The following SLC9A3 variants were observed in gnomAD, a reference collection of about 807,000 sequenced individuals.
SLC9A3 encodes the protein solute carrier family 9 member A3, also known as sodium/hydrogen exchanger 3.
A neutral mutation model predicts 86.8 loss-of-function variants in SLC9A3; 37 were observed. The observed-to-expected ratio is 0.43, with a 90% confidence interval of 0.33 to 0.56. SLC9A3 has a LOEUF of 0.56. Ranked by LOEUF, SLC9A3 falls within the 20% of genes least tolerant of loss-of-function variation. The probability of loss-of-function intolerance (pLI) is 0.06; values close to 1 mark genes in which losing one functional copy is unlikely to be tolerated. For synonymous variants in SLC9A3, 581 were observed against 528.3 expected (o/e 1.10, Z -1.37); for missense variants, 1,011 against 1,171.9 (o/e 0.86, Z 2.00).
chr5:490,680 C>T (rs72702703), intron 2 of SLC9A3, among the ~76,000 whole-genome samples: 4 of 152,158 alleles, frequency 2.6e-5, no homozygotes, highest in Admixed American at 6.5e-5. Context: ...CGAGGGGCCG[C>T]GGGTCCAGGA....
At chr5:492,537 G>A (rs1207187799) in intron 1 of SLC9A3, among the ~76,000 whole-genome samples, 1 of 152,076 alleles carries the variant, frequency 6.6e-6, no homozygotes, top group Non-Finnish European at 1.5e-5. Flanking sequence ...ACTTTTCAGG[G>A]AGCCCAAGAG....
At chr5:478,764 T>G (rs556397188) in intron 10 of SLC9A3, 62 of 154,686 alleles carry the variant, frequency 4.0e-4, no homozygotes, top group African/African-American at 1.4e-3. Context: ...GCTCCAGGCC[T>G]CCTAGGGCCA....
intron 2 of SLC9A3, 25 bp from the exon 3 acceptor site, chr5:488,501 G>A: frequency 6.6e-7 from 1 of 1,519,812 alleles, no homozygotes; most frequent in Admixed American, 2.0e-5. Context: ...GGGCCGCGGG[G>A]CAGCTGCAGG....
At chr5:494,087 G>A (rs1048726058) in intron 1 of SLC9A3, among the ~76,000 whole-genome samples, 1 of 152,238 alleles carries the variant, frequency 6.6e-6, no homozygotes, top group Non-Finnish European at 1.5e-5. Context: ...CTTTCAGCAG[G>A]AGAGCATCCG....
At chr5:522,068 C>T (rs546100533) in intron 1 of SLC9A3, among the ~76,000 whole-genome samples, 7 of 151,930 alleles carry the variant, frequency 4.6e-5, no homozygotes, top group South Asian at 2.1e-4. Context: ...AGAGGGTCTG[C>T]GCCTGTGGGA....
chr5:487,861 T>A (rs1739543477), intron 3 of SLC9A3, among the ~76,000 whole-genome samples: 1 of 152,098 alleles, frequency 6.6e-6, no homozygotes, highest in Non-Finnish European at 1.5e-5. Context: ...AGAGACGGGG[T>A]TTCACCATGT....
In SLC9A3 at chr5:476,590, C is replaced by T. The variant is rs1232094606; in HGVS notation, c.1843G>A (p.Val615Ile). ...RRSIRDAEDM[V>I]THHTLQQYLY... ...TACTGCTGTAGCGTGTGGTGCGTGA[C>T]CATGTCCTCCGCGTCCCGGATGCTC... The change falls in exon 12 of 17, where the codon GTC becomes ATC. Residue 615 changes from valine to isoleucine, a missense_variant. Physicochemically the swap from Val to Ile is conservative, Grantham distance 29. Around this residue, in one of 3 missense-constraint regions of SLC9A3, gnomAD observed 397 missense variants for 346.3 expected, o/e 1.15. Transcript: ENST00000264938. The T allele has an allele frequency of 4.3e-6, 7 of 1,611,312 alleles. 1 individual carries two copies. The East Asian group carries it at 1.6e-4, about 36-fold the overall frequency.
chr5:498,115 C>T lies in SLC9A3; in HGVS notation c.212-6044G>A, dbSNP rs1740111580. ...CTGGACGTCTCTCGGACCTTTCGCT[C>T]TGACAGTGGCTTGAGCCTCGGCCGC... On this transcript the variant is annotated intron_variant, in intron 1 of 16. Transcript: ENST00000264938. Among the ~76,000 whole-genome samples, 4 of 152,338 alleles carry T rather than the reference C, an allele frequency of 2.6e-5. No individual in the cohort carries two copies. The South Asian group carries it at 8.3e-4, about 32-fold the overall frequency.
intron 11 of SLC9A3, chr5:477,096 G>T: frequency 1.9e-6 from 1 of 519,582 alleles, no homozygotes; most frequent in Non-Finnish European, 3.4e-6. Flanking sequence ...AACACGTCAG[G>T]CCTGGCCCCC....
At chr5:504,370 C>T (rs1017770251) in intron 1 of SLC9A3, among the ~76,000 whole-genome samples, 8 of 152,218 alleles carry the variant, frequency 5.3e-5, no homozygotes, top group Admixed American at 3.3e-4. Flanking sequence ...AATAGCCCCC[C>T]GGGGCTGCAG....
chr5:499,291 T>A (rs1740160856), intron 1 of SLC9A3, among the ~76,000 whole-genome samples: 1 of 152,266 alleles, frequency 6.6e-6, no homozygotes. Context: ...GGGAGCCAAG[T>A]CCCTGTGCTG....
chr5:520,577 C>T (rs1333083775), intron 1 of SLC9A3, among the ~76,000 whole-genome samples: 2 of 152,070 alleles, frequency 1.3e-5, no homozygotes, highest in African/African-American at 4.8e-5. Context: ...TTCTCTGCCC[C>T]ATGGCCAGGC....
At chr5:523,976 G>T in intron 1 of SLC9A3, 136 bp downstream of exon 1, 2 of 476,812 alleles carry the variant, frequency 4.2e-6, no homozygotes, top group Non-Finnish European at 7.0e-6. Flanking sequence ...CGCTCTGCTG[G>T]ACCCGAGAGC....
chr5:504,967 G>A (rs116200196), intron 1 of SLC9A3, among the ~76,000 whole-genome samples: 1 of 151,928 alleles, frequency 6.6e-6, no homozygotes, highest in Non-Finnish European at 1.5e-5. Flanking sequence ...GCCACACAGA[G>A]CCCAGTGCTG....
intron 6 of SLC9A3, among the ~76,000 whole-genome samples, chr5:482,969 TGCTGGGGGATGGG>T (rs1225220140): frequency 2.7e-5 from 4 of 150,758 alleles, no homozygotes; most frequent in Non-Finnish European, 5.9e-5. Flanking sequence ...CACACACGGG[TGCTGGGGGATGGG>T]GCTGGGCGGG....
At chr5:484,850 T>A (rs1739391195) in intron 4 of SLC9A3, among the ~76,000 whole-genome samples, 153 bp from the exon 5 acceptor site, 1 of 152,172 alleles carries the variant, frequency 6.6e-6, no homozygotes, top group South Asian at 2.1e-4. Flanking sequence ...AGCACCAGCC[T>A]TGGTTCAGCA....
chr5:519,743 AAGG>A (rs1733830971), intron 1 of SLC9A3, among the ~76,000 whole-genome samples: 1 of 151,932 alleles, frequency 6.6e-6, no homozygotes, highest in South Asian at 2.1e-4. Flanking sequence ...CTGTCCAGTT[AAGG>A]AGGAGGTGCT....
chr5:520,592 G>A (rs143697859), intron 1 of SLC9A3, among the ~76,000 whole-genome samples: 17 of 151,930 alleles, frequency 1.1e-4, no homozygotes, highest in African/African-American at 3.4e-4. Flanking sequence ...CCAGGCAGTC[G>A]TCTGAGAACT....
At chr5:504,803 C>G (rs1226681754) in intron 1 of SLC9A3, among the ~76,000 whole-genome samples, 1 of 152,298 alleles carries the variant, frequency 6.6e-6, no homozygotes, top group East Asian at 1.9e-4. Context: ...TCATGGGGGC[C>G]GGGCCAGAGG....
Sources: allele counts gnomAD v4.1 joint callset (sites outside exome capture counted in the v4.1 genomes callset), GRCh38; gene constraint gnomAD v4.1.1; regional missense constraint gnomAD v4.1.1; transcripts MANE v1.5; gene names NCBI Gene and HGNC (gene_info 2026-07-23, HGNC 2026-07-21).